Variants in SUSD4 observed in about 807,000 individuals in gnomAD.
SUSD4 encodes sushi domain-containing protein 4.
Under a neutral mutation model 50.5 loss-of-function variants are expected in SUSD4, and 41 were observed. The observed-to-expected ratio is 0.81, with a 90% CI of 0.63 to 1.05. SUSD4 has a LOEUF of 1.05. SUSD4 is among the 50% of genes least tolerant of loss of function. The pLI, the probability that SUSD4 is intolerant of heterozygous loss-of-function variation, is 0.00. For synonymous variants in SUSD4, 257 were observed against 257.3 expected, an observed-to-expected ratio of 1.00 and a Z score of 0.01; for missense variants, 580 against 634.7, an observed-to-expected ratio of 0.91 and a Z score of 0.93.
chr1:223,252,236 A>AAAAAAAAAATATAT (rs1343732568), intron 5 of SUSD4, among the ~76,000 whole-genome samples: 1 of 89,728 alleles, frequency 1.1e-5, no homozygotes, highest in African/African-American at 4.1e-5. Flanking sequence ...AAAAAAAAAA[A>AAAAAAAAAATATAT]ATATATATAT....
chr1:223,268,533 A>G lies in SUSD4; in HGVS notation c.504T>C (p.Asp168=). The change falls in exon 4 of 9, where the codon GAT becomes GAC. Residue 168 remains aspartate (D), a synonymous_variant. Transcript: ENST00000366878. ...AGATGGGCAGATTATTCCACGTTCC[A>G]TCATCGCGACATAATGAAACCATAT... ...LHNMVSLCRD[D]GTWNNLPICQ... 1 of 1,614,000 alleles carries G rather than the reference A, an allele frequency of 6.2e-7. No individual in the cohort carries two copies. Among genetic ancestry groups the G allele is most frequent in the South Asian group, 1.1e-5 (1 of 90,986 alleles).
chr1:223,329,026 C>T (rs1274150849), intron 2 of SUSD4, among the ~76,000 whole-genome samples: 3 of 152,190 alleles, frequency 2.0e-5, no homozygotes, highest in African/African-American at 7.2e-5. Context: ...TGCCCAACAA[C>T]TTTCAGTTGT....
Position 223,264,542 on chromosome 1 carries a change from A to T in SUSD4, c.724+88T>A. ...ATTCAGAGAAGAAAAGTTATTGCCC[A>T]TCATAATTCACAGCTCTTCCTCCTA... is the stretch of plus-strand genomic sequence containing the variant. On this transcript the variant is annotated intron_variant, in intron 5 of 8. Transcript: ENST00000366878. 7 of 1,549,640 alleles carry T rather than the reference A, an allele frequency of 4.5e-6. No individual in the cohort carries two copies. The South Asian group carries it at 8.8e-5, about 20-fold the overall frequency.
chr1:223,318,836 G>A (rs55667834), intron 2 of SUSD4, among the ~76,000 whole-genome samples: 39,766 of 99,844 alleles, frequency 0.4, 3,634 homozygotes, highest in Middle Eastern at 0.42. Context: ...AAAAGAGCCC[G>A]CATCGCCAAG....
intron 2 of SUSD4, among the ~76,000 whole-genome samples, chr1:223,357,662 A>G (rs1391536854): frequency 6.6e-6 from 1 of 152,276 alleles, no homozygotes; most frequent in African/African-American, 2.4e-5. Flanking sequence ...TTATTGAAGT[A>G]CTATTAACAA....
rs193289012 is a variant in SUSD4 at position 223,289,139 on chromosome 1, C to G, written c.361+3300G>C. On this transcript the variant is annotated intron_variant, in intron 3 of 8. Transcript: ENST00000366878. ...TGTACTTACTAGGTCAGCAGCCCTG[C>G]GCCCACGGGGTGTATTTTCAGTCCT... The G allele has an allele frequency of 5.1e-6, 5 of 985,330 alleles. No individual in the cohort carries two copies. In the Admixed American group the frequency reaches 3.1e-4, roughly 61 times the overall value. The allele number at this position is 985,330 out of a possible 1,614,324, so 61.0% of individuals were successfully genotyped here.
Position 223,229,449 on chromosome 1 carries a change from C to A in SUSD4, c.725-61G>T. On this transcript the variant is annotated intron_variant, in intron 5 of 8. Transcript: ENST00000366878. This position sits in a 1 kb window ranked among gnomAD's most constrained non-coding sequence, Gnocchi z 4.7. ...ACAAGCTCACCTTTGTCTGAAGCCC[C>A]TAAGACGAAGAATGGCCTAGGAGAA... The A allele has an allele frequency of 6.7e-7, 1 of 1,486,352 alleles. No homozygotes were observed. Among genetic ancestry groups the A allele is most frequent in the Non-Finnish European group, 9.1e-7 (1 of 1,095,832 alleles). 92.1% of individuals were successfully genotyped at this position (1,486,352 alleles called of 1,614,324 possible). A position where few individuals can be genotyped will look rare whatever the true frequency, so the allele number is the denominator to read the frequency against.
chr1:223,342,935 C>T (rs1205781409), intron 2 of SUSD4, among the ~76,000 whole-genome samples: 1 of 152,062 alleles, frequency 6.6e-6, no homozygotes, highest in African/African-American at 2.4e-5. Context: ...CAAGAATGAA[C>T]ATTGTTGATA....
At chr1:223,327,386 T>C (rs1666936342) in intron 2 of SUSD4, among the ~76,000 whole-genome samples, 1 of 152,180 alleles carries the variant, frequency 6.6e-6, no homozygotes, top group Non-Finnish European at 1.5e-5. Context: ...AGGTACAATG[T>C]ACATGACTCA....
At chr1:223,279,309 A>G (rs902100398) in intron 3 of SUSD4, among the ~76,000 whole-genome samples, 1 of 152,218 alleles carries the variant, frequency 6.6e-6, no homozygotes. Flanking sequence ...AATGCAAAGA[A>G]GCTAAAAACC....
At chr1:223,314,397 T>G (rs1666057108) in intron 2 of SUSD4, among the ~76,000 whole-genome samples, 1 of 152,142 alleles carries the variant, frequency 6.6e-6, no homozygotes, top group Non-Finnish European at 1.5e-5. Context: ...GTGTCACATC[T>G]AAGACTCAGG....
At position 223,253,518 on chromosome 1, in the gene SUSD4, AG is replaced by A. The variant is rs1344767802; in HGVS notation, c.724+11111del. On this transcript the variant is annotated intron_variant, in intron 5 of 8. Coordinates refer to ENST00000366878, the MANE Select transcript of SUSD4 (RefSeq NM_017982.4). ...AGGGAATTACGGCAATGGTTTATGA[AG>A]GAAAGTGGAGATGGGGGTGGGAACT... 2.6e-5 allele frequency among the ~76,000 whole-genome samples: 4 copies of A among 152,276 alleles called. No homozygotes were observed. In the East Asian group the frequency reaches 7.7e-4, roughly 29 times the overall value.
intron 3 of SUSD4, 99 bp from the exon 4 acceptor site, chr1:223,268,774 C>T: frequency 8.1e-7 from 1 of 1,229,106 alleles, no homozygotes; most frequent in Non-Finnish European, 1.1e-6. Context: ...TTGGTCTCAA[C>T]CTACACAGCA....
chr1:223,239,178 G>T lies in SUSD4; in HGVS notation c.725-9790C>A, dbSNP rs538488533. Among the ~76,000 whole-genome samples the T allele has an allele frequency of 3.9e-5, 6 of 152,028 alleles. No individual in the cohort carries two copies. In the South Asian group the frequency reaches 1.2e-3, roughly 32 times the overall value. On this transcript the variant is annotated intron_variant, in intron 5 of 8. Transcript: ENST00000366878. ...TCTTCCTTTCTTTTCATTACTGTTA[G>T]CAGGGTACATTTTTTTCCATATACT...
At chr1:223,307,021 ATTATT>A (rs1665578268) in intron 2 of SUSD4, among the ~76,000 whole-genome samples, 1 of 151,514 alleles carries the variant, frequency 6.6e-6, no homozygotes, top group Non-Finnish European at 1.5e-5. Flanking sequence ...TCTTTTACAA[ATTATT>A]TTAAGTATTT....
intron 2 of SUSD4, among the ~76,000 whole-genome samples, chr1:223,331,715 TC>T (rs796744403): frequency 2.0e-4 from 31 of 152,264 alleles, no homozygotes; most frequent in African/African-American, 6.7e-4. Flanking sequence ...TTTGTCCTCT[TC>T]CTAATCAGGA....
At position 223,222,235 on chromosome 1, in the gene SUSD4, A is replaced by G. The variant is rs765459620; in HGVS notation, c.1445-15T>C. ...TAGAGGAATCTCTGTAAAAGAAGAG[A>G]CGGTTATTAGCTTAACATAACCAGA... On this transcript the variant is annotated splice_polypyrimidine_tract_variant and intron_variant, in intron 8 of 8. Coordinates refer to ENST00000366878, the MANE Select transcript of SUSD4 (RefSeq NM_017982.4). 6.2e-7 allele frequency: 1 copy of G among 1,613,514 alleles called. No homozygotes were observed. The highest frequency in any genetic ancestry group is 8.5e-7 in the Non-Finnish European group (1 of 1,179,722).
chr1:223,281,063 G>C (rs1440766533), intron 3 of SUSD4, among the ~76,000 whole-genome samples: 1 of 152,192 alleles, frequency 6.6e-6, no homozygotes, highest in African/African-American at 2.4e-5. Flanking sequence ...CAACATACCA[G>C]AATCTCCGGG....
At chr1:223,280,285 G>C (rs1663610838) in intron 3 of SUSD4, among the ~76,000 whole-genome samples, 1 of 152,094 alleles carries the variant, frequency 6.6e-6, no homozygotes, top group Admixed American at 6.5e-5. Context: ...AAAAGACACA[G>C]ACTGGCAAAT....
Sources: gnomAD v4.1 joint callset for allele counts (sites outside exome capture counted in the v4.1 genomes callset) on GRCh38, gnomAD v4.1.1 for gene constraint, Gnocchi (gnomAD v3.1) non-coding constraint, MANE v1.5 for transcripts, NCBI Gene and HGNC (gene_info 2026-07-23, HGNC 2026-07-21) for gene names.